TRAPPC2: variants seen among roughly 807,000 people sequenced by gnomAD.
TRAPPC2 encodes sedlin.
A neutral mutation model predicts 10.0 loss-of-function variants in TRAPPC2; 4 were observed. The observed-to-expected ratio is 0.40, with a 90% CI of 0.20 to 0.92. TRAPPC2 has a LOEUF of 0.92. TRAPPC2 is among the 40% of genes least tolerant of loss of function. The pLI is 0.35. For missense variants in TRAPPC2, 52 were observed against 108.7 expected, an observed-to-expected ratio of 0.48 and a Z score of 2.32; for synonymous variants, 36 against 37.3, an observed-to-expected ratio of 0.97 and a Z score of 0.12.
chrX:13,719,422 C>T (rs2046362850), intron 3 of TRAPPC2, among the ~76,000 whole-genome samples: 1 of 111,085 alleles, frequency 9.0e-6, no homozygotes, highest in Admixed American at 9.5e-5. Flanking sequence ...CTCAACCCAG[C>T]CAGGAAGTGC....
chrX:13,722,208 C>CCAAAAAAAAAAAAAAAAAAAAAAAAAA (rs1555898002), intron 2 of TRAPPC2: 1 of 36,116 alleles, frequency 2.8e-5, no homozygotes, highest in African/African-American at 1.2e-4. Flanking sequence ...TAAGCAGCAG[C>CCAAAAAAAAAAAAAAAAAAAAAAAAAA]AAAAAAAAAA....
intron 2 of TRAPPC2, among the ~76,000 whole-genome samples, chrX:13,723,093 C>G (rs749883039): frequency 2.1e-5 from 1 of 48,664 alleles, no homozygotes; most frequent in East Asian, 9.3e-4. Context: ...AAGACTCCAT[C>G]TCAAAAAAAA....
intron 2 of TRAPPC2, among the ~76,000 whole-genome samples, chrX:13,730,844 A>T (rs1287736016): frequency 3.8e-5 from 4 of 104,535 alleles, no homozygotes; most frequent in Admixed American, 1.1e-4. Flanking sequence ...GCATGTTCTC[A>T]CTCATAGGTG....
At chrX:13,715,871 A>C in intron 5 of TRAPPC2, 133 bp downstream of exon 5, 3 of 1,028,330 alleles carry the variant, frequency 2.9e-6, no homozygotes, top group Non-Finnish European at 3.8e-6. Flanking sequence ...GAGTTGCCAG[A>C]GATAGTTCTG....
chrX:13,716,758 A>G lies in TRAPPC2; in HGVS notation c.94-80T>C, dbSNP rs2046295024. 2.8e-6 allele frequency: 3 copies of G among 1,076,541 alleles called. No homozygotes were observed. In the East Asian group the frequency reaches 9.3e-5, roughly 33 times the overall value. 88.7% of individuals were successfully genotyped at this position (1,076,541 alleles called of 1,213,427 possible). ...GCTGACATTTCATTCTGTAAATTCT[A>G]TAGATGGTTTTCTTGTGGGGAAAAA... On this transcript the variant is annotated intron_variant, in intron 3 of 5. Coordinates refer to ENST00000380579, the MANE Select transcript of TRAPPC2 (RefSeq NM_001011658.4).
intron 2 of TRAPPC2, 141 bp from the exon 3 acceptor site, chrX:13,720,123 A>G: frequency 2.7e-6 from 1 of 370,545 alleles, no homozygotes; most frequent in Non-Finnish European, 4.5e-6. Context: ...AGTTTCCAGT[A>G]TACTAGCGAA....
chrX:13,728,451 C>A (rs2046603210), intron 2 of TRAPPC2, among the ~76,000 whole-genome samples: 1 of 111,965 alleles, frequency 8.9e-6, no homozygotes, highest in African/African-American at 3.3e-5. Flanking sequence ...TCAACATACG[C>A]AAATCGATAA....
rs1407296109 is a variant in TRAPPC2, at chrX:13,713,136, A to G, written c.*1271T>C. On this transcript the variant is annotated 3_prime_UTR_variant, in exon 6 of 6. Transcript: ENST00000380579. ...AAAAAAAAACCCCAAAGATCAACCT[A>G]TCTGAATTGGGTAAGTCAAAAGCTT... 9.9e-6 allele frequency: 1 copy of G among 100,527 alleles called. No homozygotes were observed. The highest frequency in any genetic ancestry group is 3.8e-5 in the African/African-American group (1 of 26,567). The allele number at this position is 100,527 out of a possible 1,213,427, so 8.3% of individuals were successfully genotyped here.
At chrX:13,718,013 G>C (rs2046333271) in intron 3 of TRAPPC2, among the ~76,000 whole-genome samples, 1 of 112,277 alleles carries the variant, frequency 8.9e-6, no homozygotes, top group African/African-American at 3.2e-5. Flanking sequence ...GCTGCCACAA[G>C]CCAAGGAACT....
chrX:13,721,713 A>C (rs2046410770), intron 2 of TRAPPC2: 1 of 104,531 alleles, frequency 9.6e-6, no homozygotes, highest in African/African-American at 3.5e-5. Flanking sequence ...GGCCATGACT[A>C]TGGAAGAAAA....
At position 13,717,223 on chromosome X, in the gene TRAPPC2, G is replaced by C. The variant is rs751298232; in HGVS notation, c.94-545C>G. Among the ~76,000 whole-genome samples, 8 of 110,418 alleles carry C rather than the reference G, an allele frequency of 7.2e-5. No individual in the cohort carries two copies. In the South Asian group the frequency reaches 1.5e-3, roughly 21 times the overall value. On this transcript the variant is annotated intron_variant, in intron 3 of 5. Coordinates refer to ENST00000380579, the MANE Select transcript of TRAPPC2 (RefSeq NM_001011658.4). Reference sequence around the variant, plus strand: ...GCCAGAGGCCTCTTTCCAGTGCATGGAGCTTACATGACAGCGGGACCTAGG... The same window carrying C: ...GCCAGAGGCCTCTTTCCAGTGCATGCAGCTTACATGACAGCGGGACCTAGG...
At chrX:13,722,392 G>T (rs904757781) in intron 2 of TRAPPC2, among the ~76,000 whole-genome samples, 4 of 110,582 alleles carry the variant, frequency 3.6e-5, no homozygotes, top group African/African-American at 1.3e-4. Context: ...CCGACTGCAT[G>T]AGGATGCTGT....
chrX:13,726,312 T>C (rs1410328552), intron 2 of TRAPPC2, among the ~76,000 whole-genome samples: 1 of 111,454 alleles, frequency 9.0e-6, no homozygotes, highest in Non-Finnish European at 1.9e-5. Flanking sequence ...AATTGTCAGA[T>C]TCACCAAGGT....
intron 3 of TRAPPC2, 39 bp from the exon 4 acceptor site, chrX:13,716,717 A>G (rs765476429): frequency 8.4e-7 from 1 of 1,196,164 alleles, no homozygotes; most frequent in East Asian, 3.0e-5. Context: ...TAACATTTGC[A>G]TATGGCATCG....
At chrX:13,733,074 T>C (rs140080473) in intron 2 of TRAPPC2, among the ~76,000 whole-genome samples, 3,608 of 112,001 alleles carry the variant, frequency 0.032, 299 homozygotes, top group East Asian at 0.25. Context: ...GAACATTTTA[T>C]CTAATTATAT....
chrX:13,727,716 A>G (rs2046583743), intron 2 of TRAPPC2, among the ~76,000 whole-genome samples: 1 of 112,172 alleles, frequency 8.9e-6, no homozygotes, highest in Admixed American at 9.5e-5. Flanking sequence ...AAACAAATTC[A>G]AAAGCTAGCA....
At chrX:13,730,521 G>A (rs186440747) in intron 2 of TRAPPC2, among the ~76,000 whole-genome samples, 1,721 of 111,635 alleles carry the variant, frequency 0.015, 18 homozygotes, top group Non-Finnish European at 0.025. Context: ...ATTCCTCAAG[G>A]ATCTAGAGGT....
intron 3 of TRAPPC2, among the ~76,000 whole-genome samples, chrX:13,717,166 A>G (rs1005751890): frequency 9.1e-6 from 1 of 110,346 alleles, no homozygotes; most frequent in Admixed American, 9.7e-5. Flanking sequence ...GGTAAGCAGT[A>G]GAGACAGTTG....
rs1381680409 is a variant in TRAPPC2, at chrX:13,734,527, G to T, written c.-164C>A. 3 of 277,022 alleles carry T rather than the reference G, an allele frequency of 1.1e-5. No individual in the cohort carries two copies. The highest frequency in any genetic ancestry group is 9.4e-5 in the East Asian group (1 of 10,587). The allele number at this position is 277,022 out of a possible 1,213,427, so 22.8% of individuals were successfully genotyped here. A position where few individuals can be genotyped will look rare whatever the true frequency, so the allele number is the denominator to read the frequency against. On this transcript the variant is annotated splice_region_variant and 5_prime_UTR_variant, in exon 1 of 6. Transcript: ENST00000380579. Reference sequence around the variant, plus strand: ...GCCGCACTTGCTCCATTCCCTACCTGCAGTGGGAGGCCGACAACGGAAACG... The same window carrying T: ...GCCGCACTTGCTCCATTCCCTACCTTCAGTGGGAGGCCGACAACGGAAACG...
Sources: allele counts gnomAD v4.1 joint callset (sites outside exome capture counted in the v4.1 genomes callset), GRCh38; gene constraint gnomAD v4.1.1; transcripts MANE v1.5; gene names NCBI Gene and HGNC (gene_info 2026-07-23, HGNC 2026-07-21).